Variants in CFAP299 observed in about 807,000 individuals in gnomAD.
CFAP299 encodes cilia- and flagella-associated protein 299.
CFAP299 carries 21 observed loss-of-function variants against 27.0 expected under a neutral mutation model. The observed-to-expected ratio is 0.78, with a 90% CI of 0.55 to 1.12. The LOEUF (loss-of-function observed/expected upper bound fraction) is 1.12, where lower values mean the gene tolerates loss of function less well. Among genes scored for constraint, CFAP299 ranks in the 50% most tolerant of loss-of-function variants. CFAP299 has a pLI of 0.00. For missense variants in CFAP299, 310 were observed against 276.6 expected (o/e 1.12, Z -0.86); for synonymous variants, 104 against 98.1 (o/e 1.06, Z -0.36).
intron 3 of CFAP299, among the ~76,000 whole-genome samples, chr4:80,662,870 T>G (rs1287973305): frequency 6.6e-6 from 1 of 150,522 alleles, no homozygotes; most frequent in Non-Finnish European, 1.5e-5. Context: ...TGAGCTGCTC[T>G]TGAGCCTTAT....
chr4:80,759,709 C>A (rs1310653805), intron 3 of CFAP299, among the ~76,000 whole-genome samples: 1 of 152,076 alleles, frequency 6.6e-6, no homozygotes, highest in South Asian at 2.1e-4. Flanking sequence ...GTAAACATAG[C>A]AAACTGGAAT....
intron 2 of CFAP299, among the ~76,000 whole-genome samples, chr4:80,384,938 T>G (rs952714283): frequency 6.6e-6 from 1 of 152,188 alleles, no homozygotes; most frequent in African/African-American, 2.4e-5. Context: ...ACATTAAAAA[T>G]TATATATATT....
chr4:80,643,294 G>A (rs1739823408), intron 3 of CFAP299, among the ~76,000 whole-genome samples: 1 of 152,096 alleles, frequency 6.6e-6, no homozygotes, highest in Admixed American at 6.6e-5. Flanking sequence ...TTTTGAGAGA[G>A]GTGTGGTGAT....
chr4:80,727,046 G>T (rs1477403212), intron 3 of CFAP299, among the ~76,000 whole-genome samples: 2 of 151,790 alleles, frequency 1.3e-5, no homozygotes, highest in Non-Finnish European at 2.9e-5. Flanking sequence ...ATAAATAAAA[G>T]AAAACAGATC....
At chr4:80,697,934 TAATC>T (rs987919668) in intron 3 of CFAP299, among the ~76,000 whole-genome samples, 4 of 152,214 alleles carry the variant, frequency 2.6e-5, no homozygotes, top group Admixed American at 6.5e-5. Context: ...AATAAGTTAT[TAATC>T]AATCAAACCA....
chr4:80,419,303 C>G (rs72860798), intron 2 of CFAP299, among the ~76,000 whole-genome samples: 29,051 of 152,092 alleles, frequency 0.19, 2,962 homozygotes, highest in South Asian at 0.29. Context: ...TCCCCTGATT[C>G]TTCCCTTGGG....
intron 3 of CFAP299, among the ~76,000 whole-genome samples, chr4:80,779,191 G>A (rs1380145484): frequency 6.6e-6 from 1 of 152,064 alleles, no homozygotes; most frequent in Non-Finnish European, 1.5e-5. Flanking sequence ...GCATTAAGCA[G>A]TCTGATCCAG....
chr4:80,403,822 T>C (rs1376425233), intron 2 of CFAP299, among the ~76,000 whole-genome samples: 4 of 152,216 alleles, frequency 2.6e-5, no homozygotes, highest in African/African-American at 9.6e-5. Context: ...CTCTGTCTTA[T>C]CAGAATCAGT....
intron 2 of CFAP299, among the ~76,000 whole-genome samples, chr4:80,371,348 C>T (rs1724141926): frequency 6.6e-6 from 1 of 152,132 alleles, no homozygotes; most frequent in Admixed American, 6.5e-5. Context: ...GAGGCCTTTT[C>T]CCCATTATCT....
intron 3 of CFAP299, among the ~76,000 whole-genome samples, chr4:80,808,786 T>G (rs2110115194): frequency 6.6e-6 from 1 of 152,216 alleles, no homozygotes; most frequent in Non-Finnish European, 1.5e-5. Context: ...AGAGCCACAA[T>G]TATAGGTTAG....
At chr4:80,792,844 A>C (rs1387012243) in intron 3 of CFAP299, among the ~76,000 whole-genome samples, 1 of 152,120 alleles carries the variant, frequency 6.6e-6, no homozygotes, top group Non-Finnish European at 1.5e-5. Context: ...GTATATTTTT[A>C]GCTGTAAGAC....
intron 3 of CFAP299, among the ~76,000 whole-genome samples, chr4:80,668,432 A>G (rs1015781002): frequency 6.6e-6 from 1 of 152,178 alleles, no homozygotes; most frequent in African/African-American, 2.4e-5. Context: ...TAGTTTTACA[A>G]TTTGAGATCT....
intron 2 of CFAP299, among the ~76,000 whole-genome samples, chr4:80,509,860 A>ATT (rs113779510): frequency 1.4e-4 from 20 of 145,462 alleles, no homozygotes; most frequent in African/African-American, 2.5e-4. Flanking sequence ...CTGCTGCCAG[A>ATT]TTTTTTTTTT....
chr4:80,890,457 G>T (rs1408574804), intron 4 of CFAP299, among the ~76,000 whole-genome samples: 1 of 152,036 alleles, frequency 6.6e-6, no homozygotes, highest in Admixed American at 6.5e-5. Context: ...ACCTATAAAA[G>T]ACTGATGAAA....
chr4:80,873,917 A>C (rs1444333310), intron 4 of CFAP299, among the ~76,000 whole-genome samples: 1 of 152,218 alleles, frequency 6.6e-6, no homozygotes. Context: ...CCTTGACCAG[A>C]AAATGACCTT....
chr4:80,443,462 C>G (rs540970298), intron 2 of CFAP299, among the ~76,000 whole-genome samples: 2 of 152,116 alleles, frequency 1.3e-5, no homozygotes, highest in Non-Finnish European at 2.9e-5. Context: ...CAGAAAAGGC[C>G]TTCGATAAAA....
At chr4:80,752,310 G>A (rs1212016805) in intron 3 of CFAP299, among the ~76,000 whole-genome samples, 2 of 151,370 alleles carry the variant, frequency 1.3e-5, no homozygotes, top group East Asian at 3.9e-4. Flanking sequence ...TCCTCTTCCT[G>A]AGTGCCACGG....
intron 3 of CFAP299, among the ~76,000 whole-genome samples, chr4:80,762,426 G>A (rs1414831086): frequency 6.6e-6 from 1 of 152,090 alleles, no homozygotes; most frequent in African/African-American, 2.4e-5. Flanking sequence ...TGGTTTGGAT[G>A]ATTCCAAAAA....
At chr4:80,597,041 T>C (rs890059756) in intron 3 of CFAP299, among the ~76,000 whole-genome samples, 5 of 152,196 alleles carry the variant, frequency 3.3e-5, no homozygotes, top group Non-Finnish European at 7.3e-5. Context: ...TATACATATC[T>C]TTGTGTGCAT....
Sources: allele counts gnomAD v4.1 joint callset (sites outside exome capture counted in the v4.1 genomes callset), GRCh38; gene constraint gnomAD v4.1.1; transcripts MANE v1.5; gene names NCBI Gene and HGNC (gene_info 2026-07-23, HGNC 2026-07-21).